The following IPO5 variants were observed in gnomAD, a reference collection of about 807,000 sequenced individuals.
The protein encoded by IPO5 is importin-5.
In IPO5, 18 loss-of-function variants were observed where a neutral mutation model predicts 143.3. The ratio of observed to expected loss-of-function variants is 0.13; its 90% confidence interval spans 0.09 to 0.19. The LOEUF (loss-of-function observed/expected upper bound fraction) is 0.19, where lower values mean the gene tolerates loss of function less well. Ranked by LOEUF, IPO5 falls within the 10% of genes least tolerant of loss-of-function variation. The pLI, the probability that IPO5 is intolerant of heterozygous loss-of-function variation, is 1.00. For synonymous variants in IPO5, 477 were observed against 465.7 expected (o/e 1.02, Z -0.31); for missense variants, 1,013 against 1,336.9 (o/e 0.76, Z 3.78).
intron 3 of IPO5, among the ~76,000 whole-genome samples, chr13:97,973,804 G>A (rs1325684651): frequency 3.9e-5 from 6 of 152,014 alleles, no homozygotes; most frequent in East Asian, 1.9e-4. Context: ...GTGTGGTGGC[G>A]GAGGCCTGTA....
intron 7 of IPO5, among the ~76,000 whole-genome samples, chr13:97,989,587 C>T (rs904682407): frequency 6.6e-6 from 1 of 152,100 alleles, no homozygotes; most frequent in Non-Finnish European, 1.5e-5. Flanking sequence ...TGTTAAGAAA[C>T]CTGTATATTT....
chr13:97,979,549 A>C (rs535429726), intron 4 of IPO5, among the ~76,000 whole-genome samples: 1 of 152,374 alleles, frequency 6.6e-6, no homozygotes, highest in South Asian at 2.1e-4. Context: ...GTTGACAAGT[A>C]GTGCAAAGTA....
rs61750356 is a variant in IPO5 at position 98,006,273 on chromosome 13, A to C, written c.1641A>C (p.Gln547His). 135 of 1,613,838 alleles carry C rather than the reference A, an allele frequency of 8.4e-5. No homozygotes were observed. Among genetic ancestry groups the C allele is most frequent in the Non-Finnish European group, 1.1e-4 (125 of 1,179,884 alleles). ...SLKHIVENAV[Q>H]KELRLLRGKT... ...AGCACATCGTTGAGAATGCGGTTCAAAAAGAACTGAGACTTCTGAGAGGAA... is the reference window on the plus strand; with the variant it reads ...AGCACATCGTTGAGAATGCGGTTCACAAAGAACTGAGACTTCTGAGAGGAA... The change falls in exon 17 of 29, where the codon CAA becomes CAC. Residue 547 changes from glutamine to histidine, a missense_variant. Around this residue, in one of 2 missense-constraint regions of IPO5, gnomAD observed 685 missense variants for 994.9 expected, o/e 0.69. Coordinates refer to ENST00000651721, the MANE Select transcript of IPO5 (RefSeq NM_002271.6).
chr13:97,970,890 A>G (rs1318154020), intron 3 of IPO5, among the ~76,000 whole-genome samples: 1 of 152,252 alleles, frequency 6.6e-6, no homozygotes, highest in African/African-American at 2.4e-5. Flanking sequence ...TTAAAGTTAC[A>G]AATTTTAGAG....
intron 4 of IPO5, among the ~76,000 whole-genome samples, chr13:97,979,150 G>A (rs779510296): frequency 1.3e-5 from 2 of 152,056 alleles, no homozygotes; most frequent in African/African-American, 2.4e-5. Flanking sequence ...AATAAAATTA[G>A]CATTAAGTCT....
intron 6 of IPO5, chr13:97,986,831 A>G (rs191255253): frequency 5.3e-5 from 8 of 152,310 alleles, no homozygotes; most frequent in Admixed American, 3.3e-4. Context: ...CATTTGGTCT[A>G]GTGCCTGGGA....
rs753439390 is a variant in IPO5, at chr13:98,014,124, G to T, written c.2235G>T (p.Met745Ile). 2 of 1,613,192 alleles carry T rather than the reference G, an allele frequency of 1.2e-6. No individual in the cohort carries two copies. The highest frequency in any genetic ancestry group is 1.7e-6 in the Non-Finnish European group (2 of 1,179,172). The change falls in exon 22 of 29, where the codon ATG (methionine) becomes ATT (isoleucine). Residue 745 changes from methionine (M) to isoleucine (I), a missense_variant. This residue lies in a region of IPO5 where 685 missense variants were observed against 994.9 expected (regional missense o/e 0.69). Coordinates refer to ENST00000651721, the MANE Select transcript of IPO5 (RefSeq NM_002271.6). Reference sequence around the variant, plus strand: ...GTGGTCCTGAGTATCTCACACAGATGTGGCATTTTATGTGTGATGCTCTAA... The same window carrying T: ...GTGGTCCTGAGTATCTCACACAGATTTGGCATTTTATGTGTGATGCTCTAA... ...RVRGPEYLTQ[M>I]WHFMCDALIK...
At chr13:98,014,369 C>T (rs1889950073) in intron 22 of IPO5, among the ~76,000 whole-genome samples, 155 bp downstream of exon 22, 1 of 152,104 alleles carries the variant, frequency 6.6e-6, no homozygotes, top group Non-Finnish European at 1.5e-5. Context: ...CCTCCACCTC[C>T]TGGGTTCAAG....
intron 2 of IPO5, among the ~76,000 whole-genome samples, chr13:97,964,813 C>T (rs1002634372): frequency 6.6e-6 from 1 of 151,992 alleles, no homozygotes; most frequent in African/African-American, 2.4e-5. Context: ...ACCACAAATA[C>T]CATTTGACCC....
intron 2 of IPO5, among the ~76,000 whole-genome samples, chr13:97,962,425 A>G (rs1272777264): frequency 6.6e-6 from 1 of 152,216 alleles, no homozygotes; most frequent in Non-Finnish European, 1.5e-5. Flanking sequence ...GCTTCATTCT[A>G]ACGCATGTGG....
chr13:98,019,166 A>G lies in IPO5; in HGVS notation c.2837-415A>G, dbSNP rs540145343. 2.0e-5 allele frequency among the ~76,000 whole-genome samples: 3 copies of G among 152,148 alleles called. No homozygotes were observed. In the East Asian group the frequency reaches 5.8e-4, roughly 29 times the overall value. On this transcript the variant is annotated intron_variant, in intron 26 of 28. Transcript: ENST00000651721. ...ATGGGGTTTCACCATGTTAGCCAGG[A>G]TGGTCTCGATCTCCTGACCTCGTGA...
Position 98,024,111 on chromosome 13 carries a change from A to G in IPO5, c.*2289A>G, listed in dbSNP as rs1890641743. The G allele has an allele frequency of 6.6e-6, 1 of 152,170 alleles. No individual in the cohort carries two copies. The highest frequency in any genetic ancestry group is 1.5e-5 in the Non-Finnish European group (1 of 68,038). The allele number at this position is 152,170 out of a possible 1,614,324, so 9.4% of individuals were successfully genotyped here. ...GGGAATTTTGTAACAAGTTACACGC[A>G]CAAGTGTTAGAAACTTTGGCATAAC... On this transcript the variant is annotated 3_prime_UTR_variant, in exon 29 of 29. Coordinates refer to ENST00000651721, the MANE Select transcript of IPO5 (RefSeq NM_002271.6).
chr13:98,016,779 A>G lies in IPO5; in HGVS notation c.2544A>G (p.Ser848=), dbSNP rs1319538664. 7 of 1,555,432 alleles carry G rather than the reference A, an allele frequency of 4.5e-6. No homozygotes were observed. The Admixed American group carries it at 7.6e-5, about 17-fold the overall frequency. ...ILTKVSDILH[S]IFSSYKEKVL... ...CCAAAGTGTCAGATATTTTACACTCAATATTCAGTAGCTACAAAGAAAAGG... is the reference window on the plus strand; with the variant it reads ...CCAAAGTGTCAGATATTTTACACTCGATATTCAGTAGCTACAAAGAAAAGG... Residue 848 remains serine (S), a synonymous_variant, in exon 25 of 29, where the codon TCA becomes TCG. Coordinates refer to ENST00000651721, the MANE Select transcript of IPO5 (RefSeq NM_002271.6).
chr13:97,982,699 C>A, intron 5 of IPO5, 116 bp downstream of exon 5: 1 of 690,508 alleles, frequency 1.4e-6, no homozygotes, highest in Non-Finnish European at 2.4e-6. Context: ...TTTACTAGAA[C>A]TTTGTACTTA....
rs1271628957 is a variant in IPO5, at chr13:97,997,582, C to T, written c.965C>T (p.Ala322Val). The part of the protein sequence containing the change: ...MVDLEEDEDW[A>V]NADELEDDDF... ...GATTTGGAAGAAGATGAGGACTGGG[C>T]AAATGCAGATGAACTAGAAGATGAT... The change falls in exon 12 of 29, where the codon GCA (alanine) becomes GTA (valine). Residue 322 changes from alanine (A) to valine (V), a missense_variant. Physicochemically the swap from Ala to Val is moderately conservative, Grantham distance 64. Transcript: ENST00000651721. 6.2e-7 allele frequency: 1 copy of T among 1,610,132 alleles called. No homozygotes were observed. Among genetic ancestry groups the T allele is most frequent in the African/African-American group, 1.3e-5 (1 of 74,824 alleles).
In IPO5 at chr13:98,006,041, C is replaced by T. The variant is rs561676428; in HGVS notation, c.1498-89C>T. 58 of 842,564 alleles carry T rather than the reference C, an allele frequency of 6.9e-5. No homozygotes were observed. In the African/African-American group the frequency reaches 8.4e-4, roughly 12 times the overall value. 52.2% of individuals were successfully genotyped at this position (842,564 alleles called of 1,614,324 possible). A position where few individuals can be genotyped will look rare whatever the true frequency, so the allele number is the denominator to read the frequency against. ...GTCTCATTCTGCTGTTTCAGAAAAG[C>T]ATTCAAGAACTTGAAGGGAGTAGTA... On this transcript the variant is annotated intron_variant, in intron 16 of 28. Transcript: ENST00000651721.
At chr13:97,971,261 G>A (rs190731928) in intron 3 of IPO5, among the ~76,000 whole-genome samples, 1 of 152,296 alleles carries the variant, frequency 6.6e-6, no homozygotes, top group East Asian at 1.9e-4. Context: ...AATTTACTGA[G>A]GGCCTATTGT....
chr13:97,958,510 A>G (rs971737118), intron 2 of IPO5, among the ~76,000 whole-genome samples: 2 of 151,870 alleles, frequency 1.3e-5, no homozygotes, highest in African/African-American at 4.8e-5. Flanking sequence ...AGGACCCTCT[A>G]TCTCATTTTG....
chr13:98,015,910 T>C (rs1890093154), intron 24 of IPO5, 129 bp downstream of exon 24: 3 of 612,800 alleles, frequency 4.9e-6, no homozygotes, highest in Non-Finnish European at 8.6e-6. Flanking sequence ...AGGAGTCAGA[T>C]ATATTTCCTC....
Sources: allele counts gnomAD v4.1 joint callset (sites outside exome capture counted in the v4.1 genomes callset), GRCh38; gene constraint gnomAD v4.1.1; regional missense constraint gnomAD v4.1.1; transcripts MANE v1.5; gene names NCBI Gene and HGNC (gene_info 2026-07-23, HGNC 2026-07-21).